The following TRPV5 variants were observed in gnomAD, a reference collection of about 807,000 sequenced individuals.
The protein encoded by TRPV5 is transient receptor potential cation channel subfamily V member 5.
In TRPV5, 66 loss-of-function variants were observed where a neutral mutation model predicts 74.1. That is an observed-to-expected ratio of 0.89 (90% CI 0.73 to 1.09). The LOEUF (loss-of-function observed/expected upper bound fraction) is 1.09. TRPV5 is among the 50% of genes least tolerant of loss of function. TRPV5 has a pLI of 0.00. For synonymous variants in TRPV5, 399 were observed against 360.7 expected (o/e 1.11, Z -1.20); for missense variants, 936 against 930.4 (o/e 1.01, Z -0.08).
chr7:142,916,770 C>T (rs1210035244), intron 8 of TRPV5, among the ~76,000 whole-genome samples: 1 of 152,180 alleles, frequency 6.6e-6, no homozygotes, highest in East Asian at 1.9e-4. Flanking sequence ...AGCACACTCA[C>T]CTGCCCGGTG....
chr7:142,930,244 G>T lies in TRPV5; in HGVS notation c.227-64C>A, dbSNP rs968105108. ...GATTCCCTTGAGGAAGGGGCCTCAG[G>T]CTCCAGAGACACCCTCCAAGGCCCT... On this transcript the variant is annotated intron_variant, in intron 2 of 14. Transcript: ENST00000265310. 2.5e-6 allele frequency: 4 copies of T among 1,608,302 alleles called. No homozygotes were observed. In the African/African-American group the frequency reaches 5.4e-5, roughly 22 times the overall value.
chr7:142,925,757 A>G lies in TRPV5; in HGVS notation c.910-16T>C, dbSNP rs1467531795. The G allele has an allele frequency of 6.2e-7, 1 of 1,610,628 alleles. No homozygotes were observed. The highest frequency in any genetic ancestry group is 8.5e-7 in the Non-Finnish European group (1 of 1,178,068). On this transcript the variant is annotated splice_polypyrimidine_tract_variant and intron_variant, in intron 7 of 14. Transcript: ENST00000265310. ...TTTGGCGAGCCTGGCATGGAAGTAG[A>G]GTGAAACTTGGGGTGACCAACACAG...
In TRPV5 at chr7:142,912,696, T is replaced by C; in HGVS notation, c.1574A>G (p.Asp525Gly). 6.2e-7 allele frequency: 1 copy of C among 1,614,230 alleles called. No individual in the cohort carries two copies. Among genetic ancestry groups the C allele is most frequent in the Middle Eastern group, 1.6e-4 (1 of 6,062 alleles). The change falls in exon 13 of 15, where the codon GAC becomes GGC. Residue 525 changes from aspartate (D) to glycine (G), a missense_variant. By Grantham distance (94) the Asp-to-Gly change is moderately conservative (BLOSUM62 -1). Transcript: ENST00000265310. ...EDPTSLGQFY[D>G]YPMALFTTFE... Reference sequence around the variant, plus strand: ...GGTGGTGAACAGTGCCATGGGGTAGTCATAGAATTGCCCCAGACTGGTTGG... The same window carrying C: ...GGTGGTGAACAGTGCCATGGGGTAGCCATAGAATTGCCCCAGACTGGTTGG...
chr7:142,919,673 G>T (rs1795852677), intron 8 of TRPV5, among the ~76,000 whole-genome samples: 1 of 152,172 alleles, frequency 6.6e-6, no homozygotes, highest in African/African-American at 2.4e-5. Context: ...CCCTATGCAG[G>T]CTGGCATTTA....
In TRPV5 at chr7:142,909,507, C is replaced by T. The variant is rs765734058; in HGVS notation, c.1878G>A (p.Gly626=). The change falls in exon 14 of 15, where the codon GGG becomes GGA. Residue 626 remains glycine, a synonymous_variant. Coordinates refer to ENST00000265310, the MANE Select transcript of TRPV5 (RefSeq NM_019841.7). ...TCACTCACCGCAGGAACCAGCGGTC[C>T]CCCAGCCCGAATTCGCACCCACAGA... ...SGICGCEFGL[G]DRWFLRVENH... 6.2e-7 allele frequency: 1 copy of T among 1,613,982 alleles called. No homozygotes were observed. Among genetic ancestry groups the T allele is most frequent in the South Asian group, 1.1e-5 (1 of 91,068 alleles).
intron 5 of TRPV5, 47 bp from the exon 6 acceptor site, chr7:142,928,913 G>T: frequency 6.2e-7 from 1 of 1,611,936 alleles, no homozygotes; most frequent in Non-Finnish European, 8.5e-7. Context: ...TAAAGTCCCT[G>T]ATGTCCCCAT....
At chr7:142,911,772 G>A (rs539246411) in intron 13 of TRPV5, among the ~76,000 whole-genome samples, 1 of 152,124 alleles carries the variant, frequency 6.6e-6, no homozygotes, top group Non-Finnish European at 1.5e-5. Flanking sequence ...AAAGTCTAAG[G>A]GAAAAATGAT....
chr7:142,933,175 G>A (rs1427418335), intron 1 of TRPV5, among the ~76,000 whole-genome samples, 157 bp downstream of exon 1: 10 of 152,220 alleles, frequency 6.6e-5, no homozygotes, highest in Non-Finnish European at 1.5e-4. Flanking sequence ...GGCCAGCTGG[G>A]ATTCTGTAAT....
At position 142,915,324 on chromosome 7, in the gene TRPV5, C is replaced by T. The variant is rs1218268707; in HGVS notation, c.1269G>A (p.Gly423=). The T allele has an allele frequency of 6.2e-7, 1 of 1,608,460 alleles. No homozygotes were observed. The highest frequency in any genetic ancestry group is 8.5e-7 in the Non-Finnish European group (1 of 1,178,638). ...ATACTCACATGATGACATGGAATGG[C>T]CCCCCAAGAATCGTCTTTCCAAAAT... ...SRYFGKTILG[G]PFHVIIITYA... Residue 423 remains glycine, a synonymous_variant, in exon 10 of 15, where the codon GGG becomes GGA. Transcript: ENST00000265310.
chr7:142,922,079 G>T (rs1435813079), intron 8 of TRPV5, among the ~76,000 whole-genome samples: 2 of 152,214 alleles, frequency 1.3e-5, no homozygotes, highest in East Asian at 3.9e-4. Flanking sequence ...TAATATTGAT[G>T]CCAACAGTCA....
chr7:142,928,975 C>T (rs1347732735), intron 5 of TRPV5, 47 bp downstream of exon 5: 3 of 1,612,980 alleles, frequency 1.9e-6, no homozygotes, highest in African/African-American at 1.3e-5. Flanking sequence ...TACCCTGTCC[C>T]TCGCTCCCCA....
intron 8 of TRPV5, among the ~76,000 whole-genome samples, chr7:142,917,798 G>T (rs915805813): frequency 6.6e-6 from 1 of 152,168 alleles, no homozygotes; most frequent in African/African-American, 2.4e-5. Flanking sequence ...ACAGACTCCT[G>T]AGAGCCCCCT....
At chr7:142,909,396 C>T in intron 14 of TRPV5, 94 bp downstream of exon 14, 1 of 1,330,150 alleles carries the variant, frequency 7.5e-7, no homozygotes. Context: ...CTCCCCTAGA[C>T]AGGCTAATGT....
In TRPV5 at chr7:142,933,714, GGT is replaced by G. The variant is rs1796142905; in HGVS notation, c.-257_-256del. Reference sequence around the variant, plus strand: ...TGCATGCAGTGTGTGGTTGTGAGGTGGTGTGTGTGCATGCAGGTGCGCTGAGG... The same window carrying G: ...TGCATGCAGTGTGTGGTTGTGAGGTGGTGTGTGCATGCAGGTGCGCTGAGG... On this transcript the variant is annotated 5_prime_UTR_variant, in exon 1 of 15. It removes the in-frame stop codon of an upstream open reading frame in the 5' UTR. Transcript: ENST00000265310. 2.0e-6 allele frequency: 1 copy of G among 488,766 alleles called. No individual in the cohort carries two copies. The highest frequency in any genetic ancestry group is 3.6e-6 in the Non-Finnish European group (1 of 279,888). The allele number at this position is 488,766 out of a possible 1,614,324, so 30.3% of individuals were successfully genotyped here. A position where few individuals can be genotyped will look rare whatever the true frequency, so the allele number is the denominator to read the frequency against.
chr7:142,924,424 A>G (rs979717236), intron 8 of TRPV5, among the ~76,000 whole-genome samples: 1 of 147,766 alleles, frequency 6.8e-6, no homozygotes, highest in Admixed American at 6.8e-5. Flanking sequence ...AGGCAATTCT[A>G]AAAACAGGAG....
rs542907456 is a variant in TRPV5, at chr7:142,920,325, C to T, written c.1123-4757G>A. 5.3e-5 allele frequency among the ~76,000 whole-genome samples: 8 copies of T among 152,328 alleles called. No homozygotes were observed. In the East Asian group the frequency reaches 1.5e-3, roughly 29 times the overall value. On this transcript the variant is annotated intron_variant, in intron 8 of 14. Transcript: ENST00000265310. ...TCCACCCATTCCCACAGAATTATGA[C>T]TTGCCCTATATGCCAGTAGGTTAAC...
In TRPV5 at chr7:142,908,975, C is replaced by T. The variant is rs115520545; in HGVS notation, c.1896-167G>A. On this transcript the variant is annotated intron_variant, in intron 14 of 14. Transcript: ENST00000265310. ...TCAAGTGAAGGGAGGTGATGGAGGGCAGGCTAACCTGGGATAGAGATAATG... is the reference window on the plus strand; with the variant it reads ...TCAAGTGAAGGGAGGTGATGGAGGGTAGGCTAACCTGGGATAGAGATAATG... 1.0e-3 allele frequency among the ~76,000 whole-genome samples: 158 copies of T among 152,170 alleles called. 1 individual carries two copies. The highest frequency in any genetic ancestry group is 3.7e-3 in the African/African-American group (153 of 41,514).
chr7:142,914,622 G>A lies in TRPV5; in HGVS notation c.1519+18C>T, dbSNP rs374753552. On this transcript the variant is annotated intron_variant, in intron 12 of 14. Coordinates refer to ENST00000265310, the MANE Select transcript of TRPV5 (RefSeq NM_019841.7). ...AACTAGATCTGCTGATCTAGTAGAG[G>A]AGTGTATGGTGCCTTACCGGAGGCA... is the stretch of plus-strand genomic sequence containing the variant. 1.2e-5 allele frequency: 20 copies of A among 1,609,050 alleles called. No individual in the cohort carries two copies. The African/African-American group carries it at 1.9e-4, about 15-fold the overall frequency.
At chr7:142,909,179 C>T (rs146029462) in intron 14 of TRPV5, among the ~76,000 whole-genome samples, 159 of 152,062 alleles carry the variant, frequency 1.0e-3, no homozygotes, top group African/African-American at 3.4e-3. Context: ...AGAGTCACGC[C>T]GGGAGATGAG....
Sources: gnomAD v4.1 joint callset for allele counts (sites outside exome capture counted in the v4.1 genomes callset) on GRCh38, gnomAD v4.1.1 for gene constraint, MANE v1.5 for transcripts, NCBI Gene and HGNC (gene_info 2026-07-23, HGNC 2026-07-21) for gene names.